The following WASHC3 variants were observed in gnomAD, a reference collection of about 807,000 sequenced individuals.
WASHC3 encodes the protein WASH complex subunit CCDC53.
Under a neutral mutation model 26.1 loss-of-function variants are expected in WASHC3, and 24 were observed. The observed-to-expected ratio is 0.92, with a 90% CI of 0.66 to 1.29. WASHC3 has a LOEUF of 1.29. Ranked by LOEUF, WASHC3 falls within the 50% of genes most tolerant of loss-of-function variation. The pLI, the probability that WASHC3 is intolerant of heterozygous loss-of-function variation, is 0.00. For missense variants in WASHC3, 214 were observed against 229.6 expected (o/e 0.93, Z 0.44); for synonymous variants, 77 against 75.7 (o/e 1.02, Z -0.09).
chr12:102,016,821 T>C (rs1565809744), intron 6 of WASHC3, among the ~76,000 whole-genome samples: 1 of 152,220 alleles, frequency 6.6e-6, no homozygotes. Context: ...CTGTAAAATT[T>C]ATGACTTGTC....
In WASHC3 at chr12:102,042,624, G is replaced by C. The variant is rs57268438; in HGVS notation, c.324+1481C>G. 3.2e-3 allele frequency among the ~76,000 whole-genome samples: 485 copies of C among 152,244 alleles called. 2 individuals are homozygous for C. Among genetic ancestry groups the C allele is most frequent in the African/African-American group, 0.011 (452 of 41,528 alleles). ...TGATAATATGGTGCTTACATTATAGGGCTGTTGTAAAGATTAAATTAGTTT... is the reference window on the plus strand; with the variant it reads ...TGATAATATGGTGCTTACATTATAGCGCTGTTGTAAAGATTAAATTAGTTT... On this transcript the variant is annotated intron_variant, in intron 4 of 6. Coordinates refer to ENST00000240079, the MANE Select transcript of WASHC3 (RefSeq NM_016053.4).
intron 3 of WASHC3, 95 bp downstream of exon 3, chr12:102,045,959 G>C (rs1396060281): frequency 1.5e-6 from 1 of 686,868 alleles, no homozygotes; most frequent in East Asian, 2.9e-5. Flanking sequence ...AAGTTAAATG[G>C]AATCACTCCC....
At chr12:102,046,536 G>C (rs537760918) in intron 2 of WASHC3, among the ~76,000 whole-genome samples, 16 of 152,266 alleles carry the variant, frequency 1.1e-4, no homozygotes, top group African/African-American at 3.6e-4. Context: ...CTCGTGATCT[G>C]CCTGCTTGGC....
At chr12:102,048,639 G>GT (rs35546758) in intron 2 of WASHC3, among the ~76,000 whole-genome samples, 25 of 147,196 alleles carry the variant, frequency 1.7e-4, no homozygotes, top group East Asian at 4.3e-4. Context: ...AGAAATCATA[G>GT]TTTTTTTTTT....
rs187159566 is a variant in WASHC3, at chr12:102,053,860, C to T, written c.150+7388G>A. Among the ~76,000 whole-genome samples, 292 of 151,778 alleles carry T rather than the reference C, an allele frequency of 1.9e-3. 2 individuals carry two copies. The highest frequency in any genetic ancestry group is 7.0e-3 in the African/African-American group (286 of 41,150). On this transcript the variant is annotated intron_variant, in intron 2 of 6. Coordinates refer to ENST00000240079, the MANE Select transcript of WASHC3 (RefSeq NM_016053.4). ...CTTATATCTTTAGTATGAAAGTTAA[C>T]AGACAAAACTATTAAAAATAATAAT...
intron 5 of WASHC3, among the ~76,000 whole-genome samples, chr12:102,030,990 T>TGA (rs1333724571): frequency 1.4e-4 from 21 of 152,180 alleles, no homozygotes; most frequent in Admixed American, 3.3e-4. Context: ...TAGGCAGATT[T>TGA]AATGTCGTTT....
At chr12:102,057,253 G>T (rs1378482842) in intron 2 of WASHC3, among the ~76,000 whole-genome samples, 1 of 152,072 alleles carries the variant, frequency 6.6e-6, no homozygotes, top group African/African-American at 2.4e-5. Flanking sequence ...ATTAGGTATA[G>T]AAAGAATCTA....
chr12:102,024,879 CTG>C (rs1262993386), intron 6 of WASHC3, among the ~76,000 whole-genome samples: 1 of 152,134 alleles, frequency 6.6e-6, no homozygotes, highest in Non-Finnish European at 1.5e-5. Flanking sequence ...CTTTTAAAGT[CTG>C]TGTCAGGAAC....
At chr12:102,020,193 GC>G (rs1331405466) in intron 6 of WASHC3, among the ~76,000 whole-genome samples, 1 of 152,214 alleles carries the variant, frequency 6.6e-6, no homozygotes, top group East Asian at 1.9e-4. Context: ...CAATATTAAA[GC>G]CTTGCTGGGG....
intron 5 of WASHC3, among the ~76,000 whole-genome samples, chr12:102,029,724 T>C (rs980909548): frequency 1.4e-5 from 2 of 140,550 alleles, no homozygotes; most frequent in Non-Finnish European, 1.5e-5. Flanking sequence ...TCCTCTTAAT[T>C]TAAGAGTGTG....
chr12:102,014,003 G>T (rs1457105446), intron 6 of WASHC3, among the ~76,000 whole-genome samples: 1 of 144,370 alleles, frequency 6.9e-6, no homozygotes, highest in Non-Finnish European at 1.5e-5. Context: ...TACCAAGAAA[G>T]TAAATTAAGC....
At chr12:102,032,416 T>A (rs112900608) in intron 5 of WASHC3, among the ~76,000 whole-genome samples, 1 of 152,256 alleles carries the variant, frequency 6.6e-6, no homozygotes, top group African/African-American at 2.4e-5. Context: ...AAGGGGAGAA[T>A]TGTTGGAAAA....
At chr12:102,034,477 C>G (rs1326143201) in intron 5 of WASHC3, among the ~76,000 whole-genome samples, 3 of 152,102 alleles carry the variant, frequency 2.0e-5, no homozygotes, top group African/African-American at 7.2e-5. Flanking sequence ...GGAAACACAA[C>G]TAGCTATGCA....
chr12:102,054,508 T>C (rs1878515168), intron 2 of WASHC3, among the ~76,000 whole-genome samples: 1 of 152,114 alleles, frequency 6.6e-6, no homozygotes, highest in South Asian at 2.1e-4. Context: ...TGAGACGCCG[T>C]CTCTACAAAC....
chr12:102,028,837 A>G (rs1877312560), intron 5 of WASHC3, among the ~76,000 whole-genome samples: 1 of 150,494 alleles, frequency 6.6e-6, no homozygotes, highest in Admixed American at 6.6e-5. Context: ...GAATAATAAG[A>G]ATAAGTATAA....
At chr12:102,053,326 A>C (rs995911966) in intron 2 of WASHC3, among the ~76,000 whole-genome samples, 11 of 152,036 alleles carry the variant, frequency 7.2e-5, no homozygotes, top group Non-Finnish European at 1.3e-4. Context: ...GGTCCACCCC[A>C]GTGGATCAGG....
At chr12:102,038,974 G>A (rs1319137962) in intron 5 of WASHC3, among the ~76,000 whole-genome samples, 1 of 151,522 alleles carries the variant, frequency 6.6e-6, no homozygotes, top group Non-Finnish European at 1.5e-5. Flanking sequence ...TATTTTTTGA[G>A]ACAGGGTCTT....
intron 6 of WASHC3, among the ~76,000 whole-genome samples, chr12:102,015,198 A>C (rs11111131): frequency 0.032 from 4,906 of 152,178 alleles, 257 homozygotes; most frequent in African/African-American, 0.11. Context: ...TTGGAGGCTG[A>C]GGTGTATCAC....
chr12:102,046,932 A>G (rs1878190491), intron 2 of WASHC3, among the ~76,000 whole-genome samples: 1 of 152,240 alleles, frequency 6.6e-6, no homozygotes, highest in Non-Finnish European at 1.5e-5. Context: ...TTTGAAAAAT[A>G]AAGGGGAATG....
Sources: gnomAD v4.1 joint callset for allele counts (sites outside exome capture counted in the v4.1 genomes callset) on GRCh38, gnomAD v4.1.1 for gene constraint, MANE v1.5 for transcripts, NCBI Gene and HGNC (gene_info 2026-07-23, HGNC 2026-07-21) for gene names.